The following LHFPL3 variants were observed in gnomAD, a reference collection of about 807,000 sequenced individuals.
The protein encoded by LHFPL3 is LHFPL tetraspan subfamily member 3, also known as LHFPL tetraspan subfamily member 3 protein.
Under a neutral mutation model 19.3 loss-of-function variants are expected in LHFPL3, and 5 were observed. That is an observed-to-expected ratio of 0.26 (90% CI 0.14 to 0.54). The LOEUF is 0.54. Ranked by LOEUF, LHFPL3 falls within the 20% of genes least tolerant of loss-of-function variation. The pLI is 0.94. For synonymous variants in LHFPL3, 133 were observed against 126.2 expected, an observed-to-expected ratio of 1.05 and a Z score of -0.36; for missense variants, 249 against 307.4, an observed-to-expected ratio of 0.81 and a Z score of 1.42.
chr7:104,766,604 A>C (rs1794462745), intron 2 of LHFPL3, among the ~76,000 whole-genome samples: 1 of 152,188 alleles, frequency 6.6e-6, no homozygotes, highest in South Asian at 2.1e-4. Context: ...CCCAACCATG[A>C]GGAAGCCCCT....
At chr7:104,701,486 A>G (rs1332795134) in intron 1 of LHFPL3, among the ~76,000 whole-genome samples, 1 of 152,192 alleles carries the variant, frequency 6.6e-6, no homozygotes, top group Non-Finnish European at 1.5e-5. Context: ...TATTTAAAAA[A>G]TTATAAGGAA....
chr7:104,783,583 G>T (rs1789854383), intron 2 of LHFPL3, among the ~76,000 whole-genome samples: 2 of 152,214 alleles, frequency 1.3e-5, no homozygotes. Flanking sequence ...GTTGGATCAG[G>T]CTTCAAATAA....
chr7:104,611,250 A>G (rs183190638), intron 1 of LHFPL3, among the ~76,000 whole-genome samples: 36 of 152,352 alleles, frequency 2.4e-4, no homozygotes, highest in African/African-American at 7.9e-4. Flanking sequence ...CAAGATATGA[A>G]GGATACACTA....
At chr7:104,893,816 G>A (rs1792299811) in intron 2 of LHFPL3, among the ~76,000 whole-genome samples, 2 of 151,990 alleles carry the variant, frequency 1.3e-5, no homozygotes, top group South Asian at 4.2e-4. Context: ...GCCAGGCATG[G>A]TGGCATACCC....
chr7:104,613,678 C>T (rs1398235116), intron 1 of LHFPL3, among the ~76,000 whole-genome samples: 2 of 152,196 alleles, frequency 1.3e-5, no homozygotes, highest in African/African-American at 4.8e-5. Flanking sequence ...TCATTACTTA[C>T]TCTTGAGTAT....
At chr7:104,746,162 A>G (rs1030508695) in intron 2 of LHFPL3, among the ~76,000 whole-genome samples, 2 of 152,104 alleles carry the variant, frequency 1.3e-5, no homozygotes, top group African/African-American at 2.4e-5. Flanking sequence ...AATACAAAAA[A>G]TTATCCAGGT....
In LHFPL3 at chr7:104,695,587, G is replaced by T. The variant is rs375025146; in HGVS notation, c.446-41088G>T. 1.6e-4 allele frequency among the ~76,000 whole-genome samples: 24 copies of T among 152,312 alleles called. No individual in the cohort carries two copies. In the East Asian group the frequency reaches 2.5e-3, roughly 16 times the overall value. ...TGAGACTAAAAAACTCAAAGGCTTT[G>T]CATCTGTGTGTTTTAGACCTGGAAG... is the stretch of plus-strand genomic sequence containing the variant. On this transcript the variant is annotated intron_variant, in intron 1 of 2. Coordinates refer to ENST00000424859, the MANE Select transcript of LHFPL3 (RefSeq NM_199000.3).
At chr7:104,417,884 C>CTTCTTCTTT (rs1554391164) in intron 1 of LHFPL3, among the ~76,000 whole-genome samples, 117 of 117,748 alleles carry the variant, frequency 9.9e-4, no homozygotes, top group African/African-American at 3.7e-3. Context: ...TCTTCTTCTT[C>CTTCTTCTTT]TTTTTTTTTT....
intron 1 of LHFPL3, among the ~76,000 whole-genome samples, chr7:104,549,661 A>G (rs35068515): frequency 0.017 from 2,513 of 152,262 alleles, 51 homozygotes; most frequent in East Asian, 0.12. Context: ...ACTTTGAGTA[A>G]CCTTCTGAAG....
At chr7:104,460,766 G>T (rs1438465585) in intron 1 of LHFPL3, among the ~76,000 whole-genome samples, 1 of 152,068 alleles carries the variant, frequency 6.6e-6, no homozygotes, top group Non-Finnish European at 1.5e-5. Flanking sequence ...TGCATAGTTT[G>T]CAAAAATTTT....
chr7:104,329,378 G>A (rs1400372616), intron 1 of LHFPL3, 154 bp downstream of exon 1: 6 of 1,023,938 alleles, frequency 5.9e-6, no homozygotes, highest in East Asian at 5.7e-5. Context: ...GGAGCCCAGC[G>A]AGGCCGGAAC....
intron 1 of LHFPL3, among the ~76,000 whole-genome samples, chr7:104,438,652 G>A (rs1297162186): frequency 6.6e-6 from 1 of 151,704 alleles, no homozygotes. Context: ...AAGGAAGAAA[G>A]GCTTAAAAAT....
intron 2 of LHFPL3, among the ~76,000 whole-genome samples, chr7:104,744,719 T>C (rs1794006813): frequency 6.6e-6 from 1 of 152,214 alleles, no homozygotes; most frequent in Non-Finnish European, 1.5e-5. Flanking sequence ...TCAATCCTTA[T>C]ATTGACCTGT....
chr7:104,637,154 A>G (rs190144136), intron 1 of LHFPL3, among the ~76,000 whole-genome samples: 126 of 152,214 alleles, frequency 8.3e-4, no homozygotes, highest in African/African-American at 2.8e-3. Flanking sequence ...CATCTTTTTC[A>G]TATGCTTGTT....
rs377094392 is a variant in LHFPL3 at position 104,800,503 on chromosome 7, C to T, written c.682+63592C>T. ...TTATCCATTCCCATTGTCTCAAACA[C>T]CCACAACCAGTAACTCTGGCCACAA... On this transcript the variant is annotated intron_variant, in intron 2 of 2. Transcript: ENST00000424859. Among the ~76,000 whole-genome samples the T allele has an allele frequency of 3.9e-5, 6 of 152,338 alleles. No homozygotes were observed. In the South Asian group the frequency reaches 1.2e-3, roughly 32 times the overall value.
chr7:104,377,672 T>G lies in LHFPL3; in HGVS notation c.445+48448T>G, dbSNP rs75942224. ...AATTAATGTAAGTTGACTCTCACCA[T>G]TTTCTGTGACAGTTGGCAAAACAGT... is the stretch of plus-strand genomic sequence containing the variant. On this transcript the variant is annotated intron_variant, in intron 1 of 2. Coordinates refer to ENST00000424859, the MANE Select transcript of LHFPL3 (RefSeq NM_199000.3). Among the ~76,000 whole-genome samples, 968 of 152,294 alleles carry G rather than the reference T, an allele frequency of 6.4e-3. 82 individuals are homozygous for G. In the East Asian group the frequency reaches 0.17, roughly 26 times the overall value.
At chr7:104,717,689 T>C (rs1050321166) in intron 1 of LHFPL3, among the ~76,000 whole-genome samples, 1 of 152,212 alleles carries the variant, frequency 6.6e-6, no homozygotes, top group African/African-American at 2.4e-5. Context: ...ATTGGAACTC[T>C]TGTATATTGT....
chr7:104,602,929 A>G (rs28499009), intron 1 of LHFPL3, among the ~76,000 whole-genome samples: 28,508 of 152,004 alleles, frequency 0.19, 2,870 homozygotes, highest in East Asian at 0.38. Context: ...CTCCCATGAC[A>G]ATTAACCTAC....
intron 2 of LHFPL3, among the ~76,000 whole-genome samples, chr7:104,779,957 T>C (rs1425259981): frequency 6.6e-6 from 1 of 152,204 alleles, no homozygotes; most frequent in Non-Finnish European, 1.5e-5. Flanking sequence ...TGGCTTGTAA[T>C]GTGCCTGTAA....
Sources: allele counts gnomAD v4.1 joint callset (sites outside exome capture counted in the v4.1 genomes callset), GRCh38; gene constraint gnomAD v4.1.1; transcripts MANE v1.5; gene names NCBI Gene and HGNC (gene_info 2026-07-23, HGNC 2026-07-21).